FAF1: variants seen among roughly 807,000 people sequenced by gnomAD.
The protein encoded by FAF1 is Fas associated factor 1, also known as FAS-associated factor 1.
FAF1 carries 25 observed loss-of-function variants against 92.5 expected under a neutral mutation model. The ratio of observed to expected loss-of-function variants is 0.27; its 90% confidence interval spans 0.20 to 0.38. The LOEUF is 0.38. Ranked by LOEUF, FAF1 falls within the 10% of genes least tolerant of loss-of-function variation. The pLI, the probability that FAF1 is intolerant of heterozygous loss-of-function variation, is 1.00. For missense variants in FAF1, 636 were observed against 793.3 expected, an observed-to-expected ratio of 0.80 and a Z score of 2.38; for synonymous variants, 234 against 273.2, an observed-to-expected ratio of 0.86 and a Z score of 1.42.
chr1:50,597,455 T>C (rs1475135973), intron 8 of FAF1, among the ~76,000 whole-genome samples: 1 of 151,660 alleles, frequency 6.6e-6, no homozygotes, highest in Non-Finnish European at 1.5e-5. Flanking sequence ...TATAAAAAAA[T>C]GCCCATAGAA....
chr1:50,943,190 G>C (rs1442903085), intron 1 of FAF1, among the ~76,000 whole-genome samples: 1 of 152,154 alleles, frequency 6.6e-6, no homozygotes, highest in Admixed American at 6.6e-5. Flanking sequence ...ACAGAGGCTT[G>C]AACTAAATCT....
chr1:50,490,547 A>AGTGGAAATACAAC, intron 17 of FAF1, 41 bp downstream of exon 17: 1 of 1,322,446 alleles, frequency 7.6e-7, no homozygotes, highest in Non-Finnish European at 1.1e-6. Context: ...TATCAAATAC[A>AGTGGAAATACAAC]ACCCAGCTTT....
At chr1:50,951,523 A>G (rs754383078) in intron 1 of FAF1, among the ~76,000 whole-genome samples, 2 of 152,222 alleles carry the variant, frequency 1.3e-5, no homozygotes, top group Non-Finnish European at 2.9e-5. Flanking sequence ...TTGGTCAAAG[A>G]TCACCAGAAG....
At chr1:50,640,683 A>G (rs1261264533) in intron 8 of FAF1, among the ~76,000 whole-genome samples, 3 of 152,108 alleles carry the variant, frequency 2.0e-5, no homozygotes, top group Non-Finnish European at 4.4e-5. Context: ...TGCAGAATTT[A>G]TCGGCCCAAA....
chr1:50,574,896 C>CTGTTTTTTTTTTTTTTTTTTTTTTTTT lies in FAF1; in HGVS notation c.1114-7666_1114-7665insAAAAAAAAAAAAAAAAAAAAAAAAACA, dbSNP rs1558000811. ...GTTTAAGCATATAGAGTTGTATTAACTCTTTTTTTTTTTTTTTTTTTTTTT... is the reference window on the plus strand; with the variant it reads ...GTTTAAGCATATAGAGTTGTATTAACTGTTTTTTTTTTTTTTTTTTTTTTTTTTCTTTTTTTTTTTTTTTTTTTTTTT... On this transcript the variant is annotated intron_variant, in intron 12 of 18. Coordinates refer to ENST00000396153, the MANE Select transcript of FAF1 (RefSeq NM_007051.3). Among the ~76,000 whole-genome samples, 3 of 122,886 alleles carry CTGTTTTTTTTTTTTTTTTTTTTTTTTT rather than the reference C, an allele frequency of 2.4e-5. 1 individual carries two copies. Among genetic ancestry groups the CTGTTTTTTTTTTTTTTTTTTTTTTTTT allele is most frequent in the African/African-American group, 9.8e-5 (3 of 30,766 alleles). 80.6% of individuals were successfully genotyped at this position (122,886 alleles called of 152,430 possible). A position where few individuals can be genotyped will look rare whatever the true frequency, so the allele number is the denominator to read the frequency against.
rs184866578 is a variant in FAF1 at position 50,686,410 on chromosome 1, C to T, written c.657+19376G>A. ...ATACAAAATTAGCTGGGTGTGGTGG[C>T]GAATGCCTGTAATCCCAGCTACTCA... is the stretch of plus-strand genomic sequence containing the variant. On this transcript the variant is annotated intron_variant, in intron 7 of 18. Coordinates refer to ENST00000396153, the MANE Select transcript of FAF1 (RefSeq NM_007051.3). Among the ~76,000 whole-genome samples, 58 of 151,996 alleles carry T rather than the reference C, an allele frequency of 3.8e-4. 1 individual carries two copies. In the East Asian group the frequency reaches 7.0e-3, roughly 18 times the overall value.
At chr1:50,683,106 T>C (rs1656496309) in intron 7 of FAF1, among the ~76,000 whole-genome samples, 1 of 152,076 alleles carries the variant, frequency 6.6e-6, no homozygotes, top group South Asian at 2.1e-4. Context: ...TTAAAAATAG[T>C]TTCAGGTTTA....
At chr1:50,769,868 T>C (rs886102601) in intron 4 of FAF1, among the ~76,000 whole-genome samples, 2 of 152,056 alleles carry the variant, frequency 1.3e-5, no homozygotes, top group African/African-American at 4.8e-5. Flanking sequence ...CTGGCCAATA[T>C]GGTGAAACCC....
chr1:50,735,809 T>G (rs1659114626), intron 6 of FAF1, among the ~76,000 whole-genome samples: 1 of 152,156 alleles, frequency 6.6e-6, no homozygotes, highest in Admixed American at 6.5e-5. Context: ...CTCAAACTCT[T>G]GGGCTCGAGC....
At chr1:50,677,150 C>A (rs1462722042) in intron 7 of FAF1, among the ~76,000 whole-genome samples, 2 of 152,078 alleles carry the variant, frequency 1.3e-5, no homozygotes, top group Non-Finnish European at 2.9e-5. Flanking sequence ...AAATGGGTAA[C>A]TTCACTTAGT....
chr1:50,446,104 G>C (rs181271007), intron 18 of FAF1, among the ~76,000 whole-genome samples: 284 of 152,222 alleles, frequency 1.9e-3, no homozygotes, highest in African/African-American at 6.6e-3. Flanking sequence ...TGGGGTTGTG[G>C]GGGGGAAGCT....
intron 6 of FAF1, among the ~76,000 whole-genome samples, chr1:50,732,925 A>G (rs999862902): frequency 1.3e-5 from 2 of 149,440 alleles, no homozygotes; most frequent in East Asian, 2.0e-4. Context: ...CTCTTTATTT[A>G]TAACACTTAT....
At chr1:50,451,594 G>T (rs962955052) in intron 18 of FAF1, among the ~76,000 whole-genome samples, 5 of 152,198 alleles carry the variant, frequency 3.3e-5, no homozygotes, top group African/African-American at 1.2e-4. Context: ...TAAGTCCCTT[G>T]CTTGGGAGGA....
At chr1:50,683,081 A>C (rs926388076) in intron 7 of FAF1, among the ~76,000 whole-genome samples, 1 of 152,160 alleles carries the variant, frequency 6.6e-6, no homozygotes, top group African/African-American at 2.4e-5. Context: ...ATCTTATCCA[A>C]AATTTAACAA....
intron 7 of FAF1, among the ~76,000 whole-genome samples, chr1:50,701,416 A>C (rs1018788671): frequency 6.6e-6 from 1 of 151,948 alleles, no homozygotes; most frequent in Non-Finnish European, 1.5e-5. Flanking sequence ...AAAAACACCC[A>C]ATACTTTAAA....
chr1:50,749,179 T>G lies in FAF1; in HGVS notation c.368-4404A>C, dbSNP rs553912268. On this transcript the variant is annotated intron_variant, in intron 4 of 18. Transcript: ENST00000396153. Reference sequence around the variant, plus strand: ...CACATATAAACATTGCCTTTTTGCTTGTGGCTGAGGTTGATATTTCTAGAG... The same window carrying G: ...CACATATAAACATTGCCTTTTTGCTGGTGGCTGAGGTTGATATTTCTAGAG... Among the ~76,000 whole-genome samples the G allele has an allele frequency of 3.9e-5, 6 of 152,336 alleles. No homozygotes were observed. In the South Asian group the frequency reaches 8.3e-4, roughly 21 times the overall value.
In FAF1 at chr1:50,522,584, T is replaced by TAAA. The variant is rs1295697433; in HGVS notation, c.1494+12782_1494+12784dup. On this transcript the variant is annotated intron_variant, in intron 15 of 18. Transcript: ENST00000396153. The stretch of plus-strand genomic sequence containing the variant: ...TACAGAGTAACAAACTGCTCAGGAT[T>TAAA]AAAGTTCATGAAGGCAGAGCCCAAA... Among the ~76,000 whole-genome samples the TAAA allele has an allele frequency of 2.0e-5, 3 of 152,286 alleles. No individual in the cohort carries two copies. The East Asian group carries it at 5.8e-4, about 29-fold the overall frequency.
rs777727108 is a variant in FAF1 at position 50,744,593 on chromosome 1, T to C, written c.459+91A>G. 4 of 818,546 alleles carry C rather than the reference T, an allele frequency of 4.9e-6. No homozygotes were observed. The East Asian group carries it at 7.5e-5, about 15-fold the overall frequency. 50.7% of individuals were successfully genotyped at this position (818,546 alleles called of 1,614,324 possible). A position where few individuals can be genotyped will look rare whatever the true frequency, so the allele number is the denominator to read the frequency against. On this transcript the variant is annotated intron_variant, in intron 5 of 18. Coordinates refer to ENST00000396153, the MANE Select transcript of FAF1 (RefSeq NM_007051.3). Reference sequence around the variant, plus strand: ...TTGCCAAATCTACTACTGCCATATGTAACAACATTAATTAAAACCAATTTT... The same window carrying C: ...TTGCCAAATCTACTACTGCCATATGCAACAACATTAATTAAAACCAATTTT...
chr1:50,564,295 T>TTTTTTTTTTTTTTTG, intron 13 of FAF1, among the ~76,000 whole-genome samples: 1 of 152,064 alleles, frequency 6.6e-6, no homozygotes, highest in Non-Finnish European at 1.5e-5. Flanking sequence ...TCTAAATTTT[T>TTTTTTTTTTTTTTTG]ATGGCCTGTC....
Sources: gnomAD v4.1 joint callset for allele counts (sites outside exome capture counted in the v4.1 genomes callset) on GRCh38, gnomAD v4.1.1 for gene constraint, MANE v1.5 for transcripts, NCBI Gene and HGNC (gene_info 2026-07-23, HGNC 2026-07-21) for gene names.